Variants in ZFAT observed in about 807,000 individuals in gnomAD.
ZFAT encodes the protein zinc finger protein ZFAT.
ZFAT carries 64 observed loss-of-function variants against 117.7 expected under a neutral mutation model. The ratio of observed to expected loss-of-function variants is 0.54; its 90% CI spans 0.44 to 0.67. The LOEUF (loss-of-function observed/expected upper bound fraction) is 0.67. ZFAT is among the 30% of genes least tolerant of loss of function. The pLI is 0.00. For synonymous variants in ZFAT, 679 were observed against 615.0 expected, an observed-to-expected ratio of 1.10 and a Z score of -1.54; for missense variants, 1,433 against 1,584.5, an observed-to-expected ratio of 0.90 and a Z score of 1.62.
chr8:134,827,833 C>A, the ZFAT span, among the ~76,000 whole-genome samples: 295 of 151,070 alleles, frequency 2.0e-3, 1 homozygote, highest in Non-Finnish European at 2.3e-3. Flanking sequence ...AAGTATGGTG[C>A]ACTAATGACT....
At chr8:134,567,506 A>T (rs981046744) in intron 10 of ZFAT, among the ~76,000 whole-genome samples, 1 of 151,004 alleles carries the variant, frequency 6.6e-6, no homozygotes, top group South Asian at 2.1e-4. Context: ...CATCAACCAT[A>T]ATCCACCCAT....
upstream of ZFAT, among the ~76,000 whole-genome samples, chr8:134,716,356 A>G (rs933636066): frequency 6.6e-6 from 1 of 152,216 alleles, no homozygotes; most frequent in Non-Finnish European, 1.5e-5. Context: ...TGCTAGAACT[A>G]TATGAGCAAT....
chr8:134,579,526 G>T (rs1001550949), intron 10 of ZFAT, among the ~76,000 whole-genome samples: 1 of 152,100 alleles, frequency 6.6e-6, no homozygotes, highest in Non-Finnish European at 1.5e-5. Context: ...CTCCCACTGG[G>T]TCCCTCCCAC....
chr8:134,624,425 G>A (rs773469040), intron 3 of ZFAT, among the ~76,000 whole-genome samples: 40 of 152,006 alleles, frequency 2.6e-4, no homozygotes, highest in Non-Finnish European at 4.9e-4. Flanking sequence ...GGAGGCCAAG[G>A]CGAGCAGATC....
chr8:134,779,249 T>C, the ZFAT span, among the ~76,000 whole-genome samples: 1 of 152,150 alleles, frequency 6.6e-6, no homozygotes, highest in Non-Finnish European at 1.5e-5. Flanking sequence ...TGAAAAATAA[T>C]AAAATTAACA....
chr8:134,741,951 A>G, the ZFAT span, among the ~76,000 whole-genome samples: 1 of 151,396 alleles, frequency 6.6e-6, no homozygotes, highest in African/African-American at 2.4e-5. Context: ...CCCCTCCTCA[A>G]CACCTCTTCA....
chr8:134,777,093 G>C, the ZFAT span, among the ~76,000 whole-genome samples: 1 of 151,954 alleles, frequency 6.6e-6, no homozygotes, highest in Admixed American at 6.6e-5. Context: ...TGTAACCTTG[G>C]GTAAATCAGA....
chr8:134,665,304 C>G (rs1410270119), intron 1 of ZFAT, among the ~76,000 whole-genome samples: 1 of 152,218 alleles, frequency 6.6e-6, no homozygotes, highest in East Asian at 1.9e-4. Context: ...CTGAGGGACC[C>G]CTCCCCAACT....
At chr8:134,817,681 A>T in the ZFAT span, among the ~76,000 whole-genome samples, 12 of 152,274 alleles carry the variant, frequency 7.9e-5, no homozygotes, top group East Asian at 1.5e-3. Context: ...CAAGCTTTTT[A>T]AAAAAACTGA....
At chr8:134,544,446 A>AT (rs34886415) in intron 11 of ZFAT, among the ~76,000 whole-genome samples, 99,446 of 149,106 alleles carry the variant, frequency 0.67, 33,014 homozygotes, top group African/African-American at 0.69. Context: ...TCTGGTTGAA[A>AT]TTTTTTTTTA....
chr8:134,784,681 C>T, the ZFAT span: 5 of 152,044 alleles, frequency 3.3e-5, no homozygotes, highest in African/African-American at 1.2e-4. Context: ...TTTTATCATA[C>T]ATATGTTCTC....
At chr8:134,781,701 T>A in the ZFAT span, among the ~76,000 whole-genome samples, 2 of 152,154 alleles carry the variant, frequency 1.3e-5, no homozygotes, top group Non-Finnish European at 2.9e-5. Context: ...TCCTGCCTCC[T>A]TTTCTACCTC....
chr8:134,542,045 CA>C (rs1003196034), intron 11 of ZFAT, among the ~76,000 whole-genome samples: 72 of 152,336 alleles, frequency 4.7e-4, no homozygotes, highest in African/African-American at 1.7e-3. Context: ...TTCTTCCCTA[CA>C]AGGCCTGCCT....
chr8:134,775,186 T>C, the ZFAT span, among the ~76,000 whole-genome samples: 1 of 152,186 alleles, frequency 6.6e-6, no homozygotes, highest in African/African-American at 2.4e-5. Context: ...TTTCAGTGTT[T>C]GATAATACCA....
the ZFAT span, among the ~76,000 whole-genome samples, chr8:134,741,731 T>C: frequency 8.5e-5 from 13 of 152,234 alleles, no homozygotes; most frequent in Middle Eastern, 0.017. Context: ...CTCTGCCTAC[T>C]TGGTTGTGTC....
At chr8:134,697,578 T>A (rs1833900450) in intron 1 of ZFAT, among the ~76,000 whole-genome samples, 1 of 150,250 alleles carries the variant, frequency 6.7e-6, no homozygotes, top group Non-Finnish European at 1.5e-5. Context: ...ATACAAAAAA[T>A]TAGCCGGGCG....
chr8:134,765,912 A>C, the ZFAT span: 1 of 152,258 alleles, frequency 6.6e-6, no homozygotes, highest in Non-Finnish European at 1.5e-5. Flanking sequence ...GTGAGGTTAC[A>C]TAAACTAATC....
In ZFAT at chr8:134,601,827, A is replaced by C. The variant is rs778472553; in HGVS notation, c.1892T>G (p.Ile631Ser). The C allele has an allele frequency of 6.2e-7, 1 of 1,613,484 alleles. No individual in the cohort carries two copies. The highest frequency in any genetic ancestry group is 1.1e-5 in the South Asian group (1 of 90,952). The change falls in exon 6 of 16, where the codon ATC becomes AGC. Residue 631 changes from isoleucine to serine, a missense_variant. Transcript: ENST00000377838. ...RSSVQTQGEV[I>S]TLLLSKAQSA... Reference sequence around the variant, plus strand: ...CTGGGCCTTGGACAGCAGTAGTGTGATCACTTCACCTTGCGTCTGGACTGA... The same window carrying C: ...CTGGGCCTTGGACAGCAGTAGTGTGCTCACTTCACCTTGCGTCTGGACTGA...
chr8:134,611,859 C>T (rs928688739), intron 3 of ZFAT, among the ~76,000 whole-genome samples: 16 of 152,076 alleles, frequency 1.1e-4, no homozygotes, highest in South Asian at 2.1e-4. Context: ...GCAAAGTCAA[C>T]GGGTTCAAAA....
Sources: gnomAD v4.1 joint callset for allele counts (sites outside exome capture counted in the v4.1 genomes callset) on GRCh38, gnomAD v4.1.1 for gene constraint, MANE v1.5 for transcripts, NCBI Gene and HGNC (gene_info 2026-07-23, HGNC 2026-07-21) for gene names.